ITFG1: variants seen among roughly 807,000 people sequenced by gnomAD.
ITFG1 encodes the protein integrin alpha FG-GAP repeat containing 1.
Under a neutral mutation model 81.8 loss-of-function variants are expected in ITFG1, and 34 were observed. The ratio of observed to expected loss-of-function variants is 0.42; its 90% CI spans 0.32 to 0.55. The LOEUF is 0.55. ITFG1 is among the 20% of genes least tolerant of loss of function. ITFG1 has a pLI of 0.17. For synonymous variants in ITFG1, 285 were observed against 270.6 expected (o/e 1.05, Z -0.52); for missense variants, 672 against 755.4 (o/e 0.89, Z 1.29).
chr16:47,293,230 T>A (rs1432749213), intron 10 of ITFG1, among the ~76,000 whole-genome samples: 2 of 130,252 alleles, frequency 1.5e-5, no homozygotes, highest in Non-Finnish European at 3.1e-5. Context: ...AAATGTGATA[T>A]ATATATTTTC....
At chr16:47,286,135 T>C (rs949378734) in intron 10 of ITFG1, among the ~76,000 whole-genome samples, 1 of 152,110 alleles carries the variant, frequency 6.6e-6, no homozygotes, top group Non-Finnish European at 1.5e-5. Flanking sequence ...ATATATTACA[T>C]TGAACTCTAC....
chr16:47,238,897 T>A lies in ITFG1; in HGVS notation c.1331-889A>T, dbSNP rs116560048. On this transcript the variant is annotated intron_variant, in intron 12 of 17. Transcript: ENST00000320640. ...GGGTGTAATGATTTGAATGTTGCTA[T>A]CCCCCCAAATTCATGTCTTGGAACC... is the stretch of plus-strand genomic sequence containing the variant. Among the ~76,000 whole-genome samples, 229 of 152,220 alleles carry A rather than the reference T, an allele frequency of 1.5e-3. 2 individuals are homozygous for A. The highest frequency in any genetic ancestry group is 5.3e-3 in the African/African-American group (220 of 41,540).
At position 47,276,291 on chromosome 16, in the gene ITFG1, A is replaced by G. The variant is rs77874517; in HGVS notation, c.1071-15596T>C. Among the ~76,000 whole-genome samples, 93 of 152,268 alleles carry G rather than the reference A, an allele frequency of 6.1e-4. No homozygotes were observed. In the East Asian group the frequency reaches 0.015, roughly 24 times the overall value. The stretch of plus-strand genomic sequence containing the variant: ...TAATAGGAAAAAAAAATCTCATTCA[A>G]TAACAATGAAATCTCTAAGTTTTAA... On this transcript the variant is annotated intron_variant, in intron 10 of 17. Transcript: ENST00000320640.
intron 14 of ITFG1, among the ~76,000 whole-genome samples, chr16:47,173,742 T>C (rs889749776): frequency 6.6e-6 from 1 of 152,228 alleles, no homozygotes; most frequent in African/African-American, 2.4e-5. Context: ...TTATGTAATT[T>C]TTAAAAAATA....
At chr16:47,232,976 A>G (rs115094658) in intron 13 of ITFG1, among the ~76,000 whole-genome samples, 3,073 of 152,222 alleles carry the variant, frequency 0.02, 103 homozygotes, top group African/African-American at 0.07. Flanking sequence ...ACTTTCATAG[A>G]TTTTGCAAAT....
chr16:47,413,970 GC>G (rs1249167956), intron 6 of ITFG1, among the ~76,000 whole-genome samples: 1 of 151,720 alleles, frequency 6.6e-6, no homozygotes, highest in East Asian at 2.0e-4. Flanking sequence ...ACAGGCGCCT[GC>G]CCCCATGCCC....
At chr16:47,304,927 ACT>A (rs1225478135) in intron 10 of ITFG1, among the ~76,000 whole-genome samples, 2 of 152,096 alleles carry the variant, frequency 1.3e-5, no homozygotes, top group Non-Finnish European at 2.9e-5. Flanking sequence ...TCAGAATGGC[ACT>A]CTCCTTTCCC....
chr16:47,187,323 A>T (rs922778771), intron 14 of ITFG1, among the ~76,000 whole-genome samples: 1 of 152,160 alleles, frequency 6.6e-6, no homozygotes, highest in Non-Finnish European at 1.5e-5. Context: ...AAGCCAAAAG[A>T]ACAAAGCTGG....
intron 6 of ITFG1, among the ~76,000 whole-genome samples, chr16:47,383,869 A>C (rs868177433): frequency 6.6e-6 from 1 of 152,328 alleles, no homozygotes; most frequent in African/African-American, 2.4e-5. Flanking sequence ...GTGCCATTGC[A>C]CTCCAACCTG....
At chr16:47,422,544 T>C (rs1263443338) in intron 6 of ITFG1, among the ~76,000 whole-genome samples, 4 of 152,228 alleles carry the variant, frequency 2.6e-5, no homozygotes, top group Non-Finnish European at 5.9e-5. Context: ...TTCTATTGAT[T>C]GAAATAGTTT....
intron 10 of ITFG1, among the ~76,000 whole-genome samples, chr16:47,264,439 TAC>T (rs1483135750): frequency 6.6e-6 from 1 of 152,030 alleles, no homozygotes; most frequent in African/African-American, 2.4e-5. Flanking sequence ...TGCCTGTTTC[TAC>T]ACAGTCTCAT....
chr16:47,423,657 G>C (rs765192320), intron 6 of ITFG1, among the ~76,000 whole-genome samples: 1 of 152,128 alleles, frequency 6.6e-6, no homozygotes, highest in Admixed American at 6.5e-5. Flanking sequence ...GCATTTGCTT[G>C]TCTGTAAAGG....
At chr16:47,364,970 T>G (rs1363414494) in intron 8 of ITFG1, among the ~76,000 whole-genome samples, 2 of 152,242 alleles carry the variant, frequency 1.3e-5, no homozygotes, top group Middle Eastern at 3.2e-3. Flanking sequence ...AGAGCCACTG[T>G]ACCCAGCTCA....
intron 6 of ITFG1, among the ~76,000 whole-genome samples, chr16:47,376,205 T>A (rs1007678373): frequency 7.2e-5 from 11 of 152,310 alleles, no homozygotes; most frequent in South Asian, 4.1e-4. Flanking sequence ...GCACTTTTTT[T>A]AAATCATGTG....
chr16:47,308,048 T>C (rs1967197997), intron 10 of ITFG1, among the ~76,000 whole-genome samples: 1 of 152,194 alleles, frequency 6.6e-6, no homozygotes, highest in African/African-American at 2.4e-5. Flanking sequence ...AATCCACTAT[T>C]GATGGGCACC....
intron 10 of ITFG1, among the ~76,000 whole-genome samples, chr16:47,298,583 T>C (rs1256078805): frequency 2.6e-5 from 4 of 152,180 alleles, no homozygotes; most frequent in Non-Finnish European, 5.9e-5. Context: ...TAGTTAAAAA[T>C]AGCTTTAATG....
intron 8 of ITFG1, among the ~76,000 whole-genome samples, chr16:47,330,142 C>T (rs995763960): frequency 2.0e-5 from 3 of 151,938 alleles, no homozygotes; most frequent in Admixed American, 1.3e-4. Flanking sequence ...TAAAGCTGCA[C>T]ACCCATAAAA....
chr16:47,350,339 A>G (rs1457688121), intron 8 of ITFG1, among the ~76,000 whole-genome samples: 5 of 152,192 alleles, frequency 3.3e-5, no homozygotes, highest in Admixed American at 3.3e-4. Flanking sequence ...AGAAGAAAAG[A>G]GAGAAGAATC....
intron 5 of ITFG1, among the ~76,000 whole-genome samples, chr16:47,430,354 C>A (rs2151610209): frequency 6.6e-6 from 1 of 152,130 alleles, no homozygotes; most frequent in South Asian, 2.1e-4. Context: ...GCGTGAGCCA[C>A]CATGCCCGGA....
Sources: allele counts gnomAD v4.1 joint callset (sites outside exome capture counted in the v4.1 genomes callset), GRCh38; gene constraint gnomAD v4.1.1; transcripts MANE v1.5; gene names NCBI Gene and HGNC (gene_info 2026-07-23, HGNC 2026-07-21).